Variants in ZNF385B observed in about 807,000 individuals in gnomAD.
The protein encoded by ZNF385B is zinc finger protein 533.
Under a neutral mutation model 39.2 loss-of-function variants are expected in ZNF385B, and 23 were observed. That is an observed-to-expected ratio of 0.59 (90% CI 0.42 to 0.83). The LOEUF (loss-of-function observed/expected upper bound fraction) is 0.83, where lower values mean the gene tolerates loss of function less well. Among genes scored for constraint, ZNF385B ranks in the 40% least tolerant of loss-of-function variants. The pLI is 0.00. For missense variants in ZNF385B, 552 were observed against 598.9 expected (o/e 0.92, Z 0.82); for synonymous variants, 205 against 222.6 (o/e 0.92, Z 0.70).
chr2:179,746,234 TAAAAATA>T (rs1702374840), intron 3 of ZNF385B, among the ~76,000 whole-genome samples: 2 of 152,134 alleles, frequency 1.3e-5, no homozygotes, highest in Admixed American at 1.3e-4. Flanking sequence ...GTGTAAATGT[TAAAAATA>T]GCTCTGGCTT....
chr2:179,827,461 T>C (rs1363985525), intron 1 of ZNF385B, among the ~76,000 whole-genome samples: 1 of 152,220 alleles, frequency 6.6e-6, no homozygotes, highest in African/African-American at 2.4e-5. Context: ...ACCATTTTAA[T>C]GAAATGATTA....
At chr2:179,856,422 T>C (rs1684601976) in intron 1 of ZNF385B, among the ~76,000 whole-genome samples, 2 of 151,984 alleles carry the variant, frequency 1.3e-5, no homozygotes, top group African/African-American at 2.4e-5. Context: ...CCCACGCCCT[T>C]CATCTACAAG....
chr2:179,790,178 A>G (rs1170908148), intron 1 of ZNF385B, among the ~76,000 whole-genome samples: 1 of 152,186 alleles, frequency 6.6e-6, no homozygotes, highest in Non-Finnish European at 1.5e-5. Flanking sequence ...CCATTCTTAC[A>G]CTAATGAAAC....
intron 3 of ZNF385B, among the ~76,000 whole-genome samples, chr2:179,610,498 A>C (rs1034819452): frequency 5.3e-5 from 8 of 152,142 alleles, no homozygotes; most frequent in Admixed American, 4.6e-4. Flanking sequence ...TGATTTCTCT[A>C]GTTTTGCTTC....
At chr2:179,675,536 C>T (rs369068551) in intron 3 of ZNF385B, among the ~76,000 whole-genome samples, 6 of 152,262 alleles carry the variant, frequency 3.9e-5, no homozygotes, top group South Asian at 2.1e-4. Context: ...GTTCCTACAT[C>T]GTCAAATAAG....
chr2:179,636,031 C>A (rs1190339505), intron 3 of ZNF385B, among the ~76,000 whole-genome samples: 2 of 152,094 alleles, frequency 1.3e-5, no homozygotes, highest in Non-Finnish European at 2.9e-5. Flanking sequence ...ATGTATGATG[C>A]ATTTATAATT....
chr2:179,788,212 C>T (rs1223851791), intron 1 of ZNF385B, among the ~76,000 whole-genome samples: 2 of 151,434 alleles, frequency 1.3e-5, no homozygotes, highest in African/African-American at 4.9e-5. Flanking sequence ...TGCACACACA[C>T]ACGCACACAC....
At chr2:179,557,727 T>C (rs1202454348) in intron 3 of ZNF385B, among the ~76,000 whole-genome samples, 2 of 151,660 alleles carry the variant, frequency 1.3e-5, no homozygotes, top group Non-Finnish European at 2.9e-5. Context: ...TTTAAGTATA[T>C]ATACATATTT....
chr2:179,542,378 T>C (rs984765545), intron 4 of ZNF385B, among the ~76,000 whole-genome samples: 2 of 152,176 alleles, frequency 1.3e-5, no homozygotes, highest in African/African-American at 4.8e-5. Context: ...AAATAATTAT[T>C]TCATGTAGTT....
chr2:179,669,293 C>G (rs182421960), intron 3 of ZNF385B, among the ~76,000 whole-genome samples: 1 of 152,276 alleles, frequency 6.6e-6, no homozygotes, highest in East Asian at 1.9e-4. Flanking sequence ...CACAGACTGT[C>G]CATCCTCTGT....
chr2:179,487,588 C>T lies in ZNF385B; in HGVS notation c.553-4154G>A, dbSNP rs567326582. 1.2e-3 allele frequency among the ~76,000 whole-genome samples: 189 copies of T among 152,314 alleles called. 2 individuals are homozygous for T. Among genetic ancestry groups the T allele is most frequent in the Non-Finnish European group, 2.3e-3 (159 of 68,028 alleles). On this transcript the variant is annotated intron_variant, in intron 5 of 9. Coordinates refer to ENST00000410066, the MANE Select transcript of ZNF385B (RefSeq NM_152520.6). ...AAACAAGGACAGGAGCCAGAAAACCCATGAACTAGGCAACACACGTCAAGC... is the reference window on the plus strand; with the variant it reads ...AAACAAGGACAGGAGCCAGAAAACCTATGAACTAGGCAACACACGTCAAGC...
intron 1 of ZNF385B, chr2:179,796,303 G>A (rs1315528066): frequency 6.6e-6 from 1 of 152,136 alleles, no homozygotes; most frequent in Non-Finnish European, 1.5e-5. Context: ...GATCCAAGAT[G>A]AGGGAGCTAT....
intron 3 of ZNF385B, among the ~76,000 whole-genome samples, chr2:179,560,476 A>G (rs1285125277): frequency 1.3e-5 from 2 of 152,184 alleles, no homozygotes; most frequent in Non-Finnish European, 2.9e-5. Flanking sequence ...AAAGAAATGC[A>G]AAAAGAATCC....
rs1213923523 is a variant in ZNF385B, at chr2:179,653,387, CTT to C, written c.299-108420_299-108419del. ...ATGGCCTCTCTCTAGAAGAACAGCT[CTT>C]GTTGAGTAGTTTCTATACAGCCTCC... is the stretch of plus-strand genomic sequence containing the variant. On this transcript the variant is annotated intron_variant, in intron 3 of 9. Coordinates refer to ENST00000410066, the MANE Select transcript of ZNF385B (RefSeq NM_152520.6). 2.6e-5 allele frequency among the ~76,000 whole-genome samples: 4 copies of C among 152,264 alleles called. No homozygotes were observed. In the East Asian group the frequency reaches 7.7e-4, roughly 29 times the overall value.
At chr2:179,582,208 T>C (rs1442978455) in intron 3 of ZNF385B, among the ~76,000 whole-genome samples, 3 of 152,172 alleles carry the variant, frequency 2.0e-5, no homozygotes, top group Non-Finnish European at 4.4e-5. Flanking sequence ...TATAGAAAAT[T>C]AGAACTGTGC....
intron 3 of ZNF385B, among the ~76,000 whole-genome samples, chr2:179,733,483 T>A (rs896753189): frequency 6.6e-6 from 1 of 152,198 alleles, no homozygotes; most frequent in African/African-American, 2.4e-5. Context: ...GCCATGTGTA[T>A]GTTAAAAAGT....
chr2:179,613,066 A>G (rs1689428094), intron 3 of ZNF385B, among the ~76,000 whole-genome samples: 2 of 152,310 alleles, frequency 1.3e-5, no homozygotes, highest in South Asian at 4.1e-4. Flanking sequence ...TGTTCACTCA[A>G]ATCTTAAGAG....
rs549889152 is a variant in ZNF385B at position 179,582,593 on chromosome 2, A to G, written c.299-37624T>C. ...GGAGACATCAAGGAACAAGTTAGAC[A>G]AAGTCCCTACACACATGGAGATTAT... On this transcript the variant is annotated intron_variant, in intron 3 of 9. Coordinates refer to ENST00000410066, the MANE Select transcript of ZNF385B (RefSeq NM_152520.6). 9.2e-5 allele frequency among the ~76,000 whole-genome samples: 14 copies of G among 152,282 alleles called. No homozygotes were observed. In the South Asian group the frequency reaches 2.7e-3, roughly 29 times the overall value.
intron 3 of ZNF385B, among the ~76,000 whole-genome samples, chr2:179,641,240 T>A (rs369253434): frequency 6.7e-5 from 10 of 150,168 alleles, no homozygotes; most frequent in African/African-American, 2.4e-4. Context: ...ATTCCTTTGT[T>A]TTTTTAGCCT....
Sources: allele counts gnomAD v4.1 joint callset (sites outside exome capture counted in the v4.1 genomes callset), GRCh38; gene constraint gnomAD v4.1.1; transcripts MANE v1.5; gene names NCBI Gene and HGNC (gene_info 2026-07-23, HGNC 2026-07-21).